Variants in LINGO2 observed in about 807,000 individuals in gnomAD.
LINGO2 encodes leucine-rich repeat and immunoglobulin-like domain-containing nogo receptor-interacting protein 2.
Under a neutral mutation model 30.6 loss-of-function variants are expected in LINGO2, and 14 were observed. That is an observed-to-expected ratio of 0.46 (90% CI 0.30 to 0.72). The LOEUF (loss-of-function observed/expected upper bound fraction) is 0.72, where lower values mean the gene tolerates loss of function less well. LINGO2 is among the 30% of genes least tolerant of loss of function. LINGO2 has a pLI of 0.07. For synonymous variants in LINGO2, 317 were observed against 288.5 expected, an observed-to-expected ratio of 1.10 and a Z score of -1.00; for missense variants, 729 against 751.7, an observed-to-expected ratio of 0.97 and a Z score of 0.35.
At chr9:29,192,374 A>C in the LINGO2 span, among the ~76,000 whole-genome samples, 1 of 152,170 alleles carries the variant, frequency 6.6e-6, no homozygotes, top group Non-Finnish European at 1.5e-5. Context: ...AAACAGAAGC[A>C]CTTTTGTAAA....
intron 2 of LINGO2, among the ~76,000 whole-genome samples, chr9:28,432,860 T>C (rs1823733790): frequency 6.6e-6 from 1 of 152,120 alleles, no homozygotes; most frequent in Admixed American, 6.6e-5. Context: ...CATTTTCAAT[T>C]TATTATCAGC....
the LINGO2 span, among the ~76,000 whole-genome samples, chr9:29,111,028 C>G: frequency 6.6e-6 from 1 of 152,102 alleles, no homozygotes; most frequent in Admixed American, 6.5e-5. Flanking sequence ...TAAGCAAAGT[C>G]AAACAAATGT....
At chr9:29,200,182 A>G in the LINGO2 span, among the ~76,000 whole-genome samples, 1 of 152,142 alleles carries the variant, frequency 6.6e-6, no homozygotes, top group East Asian at 1.9e-4. Flanking sequence ...AGAAACACCT[A>G]GGAAAATGCT....
chr9:29,212,070 G>C, the LINGO2 span, among the ~76,000 whole-genome samples: 1 of 152,162 alleles, frequency 6.6e-6, no homozygotes, highest in Non-Finnish European at 1.5e-5. Flanking sequence ...AAGGAGAGTG[G>C]AGGAGAAAGA....
intron 1 of LINGO2, among the ~76,000 whole-genome samples, chr9:28,511,423 G>A (rs932705505): frequency 8.5e-5 from 13 of 152,134 alleles, no homozygotes; most frequent in South Asian, 4.1e-4. Flanking sequence ...CAGGTCAGCC[G>A]TGGTGAGTAC....
At chr9:29,120,494 G>A in the LINGO2 span, among the ~76,000 whole-genome samples, 3 of 152,126 alleles carry the variant, frequency 2.0e-5, no homozygotes, top group African/African-American at 4.8e-5. Flanking sequence ...CTAGTAAACA[G>A]TTAAATAAAA....
the LINGO2 span, among the ~76,000 whole-genome samples, chr9:28,784,780 C>T: frequency 1.1e-4 from 17 of 151,810 alleles, no homozygotes; most frequent in Admixed American, 3.3e-4. Flanking sequence ...GGTGAAACCC[C>T]GTCTCTACTA....
intron 5 of LINGO2, among the ~76,000 whole-genome samples, chr9:27,991,148 GCT>G (rs1268048734): frequency 6.6e-6 from 1 of 152,010 alleles, no homozygotes; most frequent in Admixed American, 6.6e-5. Context: ...ATTATTCTAA[GCT>G]CTGTTTTTCT....
intron 4 of LINGO2, among the ~76,000 whole-genome samples, chr9:28,168,407 C>T (rs1828492118): frequency 1.3e-5 from 2 of 152,118 alleles, no homozygotes; most frequent in Admixed American, 6.5e-5. Flanking sequence ...GAAAAATAAT[C>T]TAGAAACTAG....
In LINGO2 at chr9:28,632,690, T is replaced by TCTA. The variant is rs1563878409; in HGVS notation, c.-365+37509_-365+37510insTAG. On this transcript the variant is annotated intron_variant, in intron 1 of 5. Transcript: ENST00000379992. ...ATAAAATATCTATATAAAAATATATTTATATAGATCTATATATTTATATAT... is the reference window on the plus strand; with the variant it reads ...ATAAAATATCTATATAAAAATATATTCTATATATAGATCTATATATTTATATAT... Among the ~76,000 whole-genome samples the TCTA allele has an allele frequency of 9.6e-3, 1,044 of 108,372 alleles. 12 individuals are homozygous for TCTA. Among genetic ancestry groups the TCTA allele is most frequent in the South Asian group, 0.019 (67 of 3,450 alleles). 71.1% of individuals were successfully genotyped at this position (108,372 alleles called of 152,430 possible).
chr9:28,282,953 G>A lies in LINGO2; in HGVS notation c.-87+12255C>T, dbSNP rs1055032073. ...ATTCAAGAAAGGAGTAAGCCCCTGT[G>A]GCAGGTAAACCTAAACTCTTTCTGT... is the stretch of plus-strand genomic sequence containing the variant. On this transcript the variant is annotated intron_variant, in intron 4 of 5. Transcript: ENST00000379992. Among the ~76,000 whole-genome samples, 9 of 152,246 alleles carry A rather than the reference G, an allele frequency of 5.9e-5. No individual in the cohort carries two copies. In the East Asian group the frequency reaches 1.5e-3, roughly 26 times the overall value.
At position 28,411,391 on chromosome 9, in the gene LINGO2, G is replaced by T. The variant is rs75150097; in HGVS notation, c.-278-38523C>A. ...AATATACTATCTTAACCATTTTTAG[G>T]TATACAATTCAGTGGTATCATGTAC... On this transcript the variant is annotated intron_variant, in intron 2 of 5. Transcript: ENST00000379992. Among the ~76,000 whole-genome samples, 982 of 151,964 alleles carry T rather than the reference G, an allele frequency of 6.5e-3. 40 individuals are homozygous for T. The East Asian group carries it at 0.093, about 14-fold the overall frequency.
chr9:28,355,371 G>C (rs1447944269), intron 3 of LINGO2, among the ~76,000 whole-genome samples: 3 of 75,496 alleles, frequency 4.0e-5, no homozygotes, highest in African/African-American at 1.1e-4. Flanking sequence ...CTCTGTGTGT[G>C]TGTGTGTGTG....
chr9:28,025,835 T>C (rs1367975294), intron 4 of LINGO2, among the ~76,000 whole-genome samples: 5 of 152,178 alleles, frequency 3.3e-5, no homozygotes, highest in Admixed American at 2.6e-4. Context: ...GATGGCTGGA[T>C]TCATACCTGT....
chr9:28,137,178 T>C (rs1053343571), intron 4 of LINGO2, among the ~76,000 whole-genome samples: 2 of 128,886 alleles, frequency 1.6e-5, no homozygotes, highest in African/African-American at 6.0e-5. Context: ...TATATATTCA[T>C]ACATATATAG....
chr9:28,604,799 T>C (rs1275265336), intron 1 of LINGO2, among the ~76,000 whole-genome samples: 3 of 151,930 alleles, frequency 2.0e-5, no homozygotes, highest in African/African-American at 4.8e-5. Flanking sequence ...TGGGGCAAAA[T>C]TGTACATATA....
intron 1 of LINGO2, among the ~76,000 whole-genome samples, chr9:28,578,237 G>C (rs1158213704): frequency 6.6e-6 from 1 of 152,068 alleles, no homozygotes; most frequent in Non-Finnish European, 1.5e-5. Flanking sequence ...AAAGCATAAA[G>C]ACTAATTCTG....
At chr9:28,004,182 T>C (rs1305774151) in intron 5 of LINGO2, among the ~76,000 whole-genome samples, 1 of 152,198 alleles carries the variant, frequency 6.6e-6, no homozygotes, top group East Asian at 1.9e-4. Flanking sequence ...AAAAATGAAG[T>C]ATCGACCTAA....
At position 27,959,157 on chromosome 9, in the gene LINGO2, C is replaced by T. The variant is rs150410225; in HGVS notation, c.-35-8451G>A. 3.2e-4 allele frequency among the ~76,000 whole-genome samples: 49 copies of T among 152,104 alleles called. No individual in the cohort carries two copies. The East Asian group carries it at 6.2e-3, about 19-fold the overall frequency. ...TTATTCCTGATATCAGTGAGTTGTG[C>T]CTTTCTTTTCTCTTGAGAAATCTAG... On this transcript the variant is annotated intron_variant, in intron 5 of 5. Transcript: ENST00000379992.
Sources: allele counts gnomAD v4.1 joint callset (sites outside exome capture counted in the v4.1 genomes callset), GRCh38; gene constraint gnomAD v4.1.1; transcripts MANE v1.5; gene names NCBI Gene and HGNC (gene_info 2026-07-23, HGNC 2026-07-21).